The following ANKAR variants were observed in gnomAD, a reference collection of about 807,000 sequenced individuals.
ANKAR encodes the protein ankyrin and armadillo repeat-containing protein.
Under a neutral mutation model 146.2 loss-of-function variants are expected in ANKAR, and 136 were observed. The observed-to-expected ratio is 0.93, with a 90% CI of 0.81 to 1.07. ANKAR has a LOEUF of 1.07. ANKAR is among the 50% of genes least tolerant of loss of function. The pLI, the probability that ANKAR is intolerant of heterozygous loss-of-function variation, is 0.00. For missense variants in ANKAR, 1,567 were observed against 1,679.9 expected, an observed-to-expected ratio of 0.93 and a Z score of 1.18; for synonymous variants, 500 against 575.8, an observed-to-expected ratio of 0.87 and a Z score of 1.88.
At chr2:189,692,527 A>C in intron 4 of ANKAR, 109 bp downstream of exon 4, 1 of 928,350 alleles carries the variant, frequency 1.1e-6, no homozygotes, top group Non-Finnish European at 1.6e-6. Context: ...TCTCCAAATG[A>C]TTATTCTCAC....
At chr2:189,739,014 G>C (rs1274886994) in intron 19 of ANKAR, among the ~76,000 whole-genome samples, 1 of 152,164 alleles carries the variant, frequency 6.6e-6, no homozygotes, top group Non-Finnish European at 1.5e-5. Context: ...ATTTATAATA[G>C]TGGTGGCAGA....
chr2:189,682,379 G>A (rs1260130752), intron 2 of ANKAR, among the ~76,000 whole-genome samples: 1 of 152,112 alleles, frequency 6.6e-6, no homozygotes, highest in East Asian at 1.9e-4. Context: ...CACATTGGGT[G>A]TCTGCTTCAG....
intron 17 of ANKAR, among the ~76,000 whole-genome samples, chr2:189,734,676 GGT>G (rs1425910665): frequency 1.3e-5 from 2 of 152,080 alleles, no homozygotes; most frequent in Non-Finnish European, 2.9e-5. Context: ...ATTCTACTGT[GGT>G]ACACAAAAGA....
downstream of ANKAR, among the ~76,000 whole-genome samples, chr2:189,761,860 A>C (rs1261321523): frequency 6.6e-6 from 1 of 152,194 alleles, no homozygotes; most frequent in Non-Finnish European, 1.5e-5. Context: ...GTCAGATATA[A>C]AATTTTTTAG....
intron 5 of ANKAR, among the ~76,000 whole-genome samples, chr2:189,693,947 C>T (rs891108803): frequency 1.3e-5 from 2 of 152,066 alleles, no homozygotes; most frequent in African/African-American, 4.8e-5. Context: ...AGAGGTTTTG[C>T]CATGTTGGTC....
At chr2:189,722,948 C>T (rs2041476198) in intron 12 of ANKAR, among the ~76,000 whole-genome samples, 1 of 151,266 alleles carries the variant, frequency 6.6e-6, no homozygotes, top group Admixed American at 6.6e-5. Context: ...TTTTTTCCTA[C>T]ACCATAATCT....
At chr2:189,696,557 G>A (rs948933505) in intron 7 of ANKAR, among the ~76,000 whole-genome samples, 188 bp downstream of exon 7, 1 of 152,192 alleles carries the variant, frequency 6.6e-6, no homozygotes, top group Non-Finnish European at 1.5e-5. Flanking sequence ...TAGCTTATAT[G>A]GTTTTATATT....
At chr2:189,693,010 G>T (rs2036651846) in intron 4 of ANKAR, 64 bp from the exon 5 acceptor site, 1 of 873,804 alleles carries the variant, frequency 1.1e-6, no homozygotes, top group South Asian at 1.9e-5. Flanking sequence ...TTCATACAAA[G>T]AATTCTTATA....
chr2:189,697,221 T>A (rs939160997), intron 7 of ANKAR, among the ~76,000 whole-genome samples: 2 of 150,586 alleles, frequency 1.3e-5, no homozygotes, highest in African/African-American at 4.9e-5. Flanking sequence ...CGAGACCCCC[T>A]GCCCATAAAA....
At position 189,711,189 on chromosome 2, in the gene ANKAR, T is replaced by C. The variant is rs556210596; in HGVS notation, c.2224+36T>C. Reference sequence around the variant, plus strand: ...CTCTATTAATAACTTTTTATGCTATTTTATGTAGAGCTATATTTTATTCAT... The same window carrying C: ...CTCTATTAATAACTTTTTATGCTATCTTATGTAGAGCTATATTTTATTCAT... On this transcript the variant is annotated intron_variant, in intron 10 of 22. Transcript: ENST00000684021. The C allele has an allele frequency of 8.9e-6, 13 of 1,457,264 alleles. No homozygotes were observed. The South Asian group carries it at 1.6e-4, about 17-fold the overall frequency. The allele number at this position is 1,457,264 out of a possible 1,614,324, so 90.3% of individuals were successfully genotyped here. A position where few individuals can be genotyped will look rare whatever the true frequency, so the allele number is the denominator to read the frequency against.
At chr2:189,688,800 T>C (rs1273093460) in intron 2 of ANKAR, among the ~76,000 whole-genome samples, 1 of 152,208 alleles carries the variant, frequency 6.6e-6, no homozygotes, top group Non-Finnish European at 1.5e-5. Context: ...AATTAGGCCC[T>C]TATTATACGT....
At chr2:189,716,354 G>A (rs370849933) in intron 10 of ANKAR, among the ~76,000 whole-genome samples, 61 of 152,174 alleles carry the variant, frequency 4.0e-4, no homozygotes, top group Admixed American at 7.9e-4. Context: ...TACAAAGAGA[G>A]TAAAATACCT....
At chr2:189,761,855 A>G (rs1337626167), downstream of ANKAR, among the ~76,000 whole-genome samples, 2 of 152,190 alleles carry the variant, frequency 1.3e-5, no homozygotes, top group African/African-American at 4.8e-5. Flanking sequence ...CAGGGGTCAG[A>G]TATAAAATTT....
intron 7 of ANKAR, among the ~76,000 whole-genome samples, chr2:189,703,336 G>A (rs2038359891): frequency 6.6e-6 from 1 of 152,194 alleles, no homozygotes; most frequent in Non-Finnish European, 1.5e-5. Flanking sequence ...GGTGGTGGTA[G>A]AGATGGGTTC....
chr2:189,705,034 CT>C lies in ANKAR; in HGVS notation c.1721del (p.Leu574HisfsTer10). ...FVTFSQGPTP[L>X]HLAAQACSLE... ...TCCATCCATTCTAGGTCCAACACCTCTACACCTTGCTGCACAGGCTTGCTCA... is the reference window on the plus strand; with the variant it reads ...TCCATCCATTCTAGGTCCAACACCTCACACCTTGCTGCACAGGCTTGCTCA... On this transcript the variant is annotated frameshift_variant, in exon 8 of 23. Transcript: ENST00000684021. LOFTEE classifies it high-confidence loss of function. 3 of 1,614,024 alleles carry C rather than the reference CT, an allele frequency of 1.9e-6. No individual in the cohort carries two copies. The highest frequency in any genetic ancestry group is 2.5e-6 in the Non-Finnish European group (3 of 1,179,990).
chr2:189,745,026 AC>A, intron 22 of ANKAR, among the ~76,000 whole-genome samples: 1 of 136,034 alleles, frequency 7.4e-6, no homozygotes, highest in African/African-American at 2.6e-5. Context: ...TACTACTACT[AC>A]TAATAATACA....
At chr2:189,680,445 G>T (rs2034477966) in intron 2 of ANKAR, among the ~76,000 whole-genome samples, 3 of 151,574 alleles carry the variant, frequency 2.0e-5, no homozygotes, top group African/African-American at 7.3e-5. Flanking sequence ...ATTTAGTTCT[G>T]CTCTAATCTT....
downstream of ANKAR, among the ~76,000 whole-genome samples, chr2:189,747,978 G>A (rs1462860433): frequency 2.0e-5 from 3 of 152,034 alleles, no homozygotes; most frequent in Non-Finnish European, 1.5e-5. Flanking sequence ...GAGCCACTGC[G>A]CCTGGCTTCA....
chr2:189,743,499 A>C, intron 21 of ANKAR, 25 bp downstream of exon 21: 1 of 1,595,780 alleles, frequency 6.3e-7, no homozygotes, highest in Non-Finnish European at 8.6e-7. Flanking sequence ...TAGAAGTTGC[A>C]GTAGTGAAAT....
Sources: allele counts gnomAD v4.1 joint callset (sites outside exome capture counted in the v4.1 genomes callset), GRCh38; gene constraint gnomAD v4.1.1; transcripts MANE v1.5; gene names NCBI Gene and HGNC (gene_info 2026-07-23, HGNC 2026-07-21).